The following RAI1 variants were observed in gnomAD, a reference collection of about 807,000 sequenced individuals.
RAI1 encodes the protein retinoic acid induced 1, also known as retinoic acid-induced protein 1.
A neutral mutation model predicts 123.8 loss-of-function variants in RAI1; 9 were observed. The ratio of observed to expected loss-of-function variants is 0.07; its 90% CI spans 0.04 to 0.13. The LOEUF is 0.13. Ranked by LOEUF, RAI1 falls within the 10% of genes least tolerant of loss-of-function variation. The pLI is 1.00. For synonymous variants in RAI1, 1,231 were observed against 1,127.3 expected, an observed-to-expected ratio of 1.09 and a Z score of -1.84; for missense variants, 2,256 against 2,545.8, an observed-to-expected ratio of 0.89 and a Z score of 2.45.
intron 2 of RAI1, among the ~76,000 whole-genome samples, chr17:17,742,995 T>G (rs1916694310): frequency 6.6e-6 from 1 of 152,128 alleles, no homozygotes; most frequent in East Asian, 1.9e-4. Flanking sequence ...AGTCCCTGAT[T>G]TATTGATTTT....
chr17:17,740,408 TG>T (rs1317808865), intron 2 of RAI1, among the ~76,000 whole-genome samples: 1 of 152,166 alleles, frequency 6.6e-6, no homozygotes, highest in African/African-American at 2.4e-5. Context: ...TCTGGAGAGT[TG>T]GGGGTCACCC....
chr17:17,728,945 A>G (rs1480582471), intron 2 of RAI1, among the ~76,000 whole-genome samples: 1 of 152,146 alleles, frequency 6.6e-6, no homozygotes, highest in Middle Eastern at 3.2e-3. Flanking sequence ...GAACTTCTCC[A>G]TGGCGCCCCT....
intron 4 of RAI1, among the ~76,000 whole-genome samples, chr17:17,806,597 A>G (rs1598100525): frequency 6.6e-6 from 1 of 152,212 alleles, no homozygotes; most frequent in African/African-American, 2.4e-5. Context: ...CCAGCCCTTC[A>G]TTAGTTCTCA....
chr17:17,796,576 G>A lies in RAI1; in HGVS notation c.3628G>A (p.Ala1210Thr), dbSNP rs770966880. 3.1e-6 allele frequency: 5 copies of A among 1,611,594 alleles called. No homozygotes were observed. Among genetic ancestry groups the A allele is most frequent in the Non-Finnish European group, 4.2e-6 (5 of 1,180,006 alleles). The change falls in exon 3 of 6, where the codon GCA (alanine) becomes ACA (threonine). Residue 1210 changes from alanine to threonine, a missense_variant. This residue lies in a region of RAI1 where 322 missense variants were observed against 358.0 expected (regional missense o/e 0.90). Coordinates refer to ENST00000353383, the MANE Select transcript of RAI1 (RefSeq NM_030665.4). The surrounding 1 kb of genome is among the most constrained non-coding windows in gnomAD (Gnocchi z 5.8). ...GCGGGCAAGGGTCCCCAAACCTGGT[G>A]CAGGCAGCAAGCTCTCTGACCGGCC... is the stretch of plus-strand genomic sequence containing the variant. ...SQRARVPKPG[A>T]GSKLSDRPLH...
At chr17:17,693,791 G>C (rs1044427032) in intron 1 of RAI1, among the ~76,000 whole-genome samples, 4 of 152,234 alleles carry the variant, frequency 2.6e-5, no homozygotes, top group African/African-American at 9.6e-5. Flanking sequence ...GGGGAAGGGA[G>C]AGGAAGGAAC....
At chr17:17,724,707 C>A (rs1916019427) in intron 2 of RAI1, among the ~76,000 whole-genome samples, 1 of 152,154 alleles carries the variant, frequency 6.6e-6, no homozygotes, top group Non-Finnish European at 1.5e-5. Flanking sequence ...AGAGCGCGGC[C>A]TCCCTGGGGA....
At chr17:17,699,016 A>G (rs1915127560) in intron 1 of RAI1, among the ~76,000 whole-genome samples, 1 of 152,252 alleles carries the variant, frequency 6.6e-6, no homozygotes, top group African/African-American at 2.4e-5. Context: ...TGATGGAGAC[A>G]GGGAGTCCTG....
Position 17,685,216 on chromosome 17 carries a change from A to T in RAI1, c.-149+3423A>T, listed in dbSNP as rs1203965554. Among the ~76,000 whole-genome samples the T allele has an allele frequency of 1.3e-5, 2 of 152,230 alleles. No individual in the cohort carries two copies. The highest frequency in any genetic ancestry group is 6.5e-5 in the Admixed American group (1 of 15,288). On this transcript the variant is annotated intron_variant, in intron 1 of 5. Transcript: ENST00000353383. The surrounding 1 kb of genome is among the most constrained non-coding windows in gnomAD (Gnocchi z 4.0). ...GCAACAGCAACGGTGTGCGCAGAGC[A>T]GCGTCTCTGCGGGAGAGGCACCTGG...
intron 2 of RAI1, 39 bp from the exon 3 acceptor site, chr17:17,792,894 T>TC: frequency 1.6e-5 from 5 of 312,516 alleles, no homozygotes; most frequent in Admixed American, 3.9e-5. Context: ...CTCCCCTCCC[T>TC]CCTTCCCTCC....
chr17:17,809,017 G>C lies in RAI1; in HGVS notation c.5660-373G>C. On this transcript the variant is annotated intron_variant, in intron 4 of 5. Coordinates refer to ENST00000353383, the MANE Select transcript of RAI1 (RefSeq NM_030665.4). This position sits in a 1 kb window ranked among gnomAD's most constrained non-coding sequence, Gnocchi z 4.9. ...TGCCTGCCAGTGGGGAAGAAACAAG[G>C]AGCAAGACAAGATCACACAGGCCAG... is the stretch of plus-strand genomic sequence containing the variant. The C allele has an allele frequency of 3.0e-6, 1 of 334,882 alleles. No homozygotes were observed. The highest frequency in any genetic ancestry group is 5.8e-6 in the Non-Finnish European group (1 of 173,574). The allele number at this position is 334,882 out of a possible 1,614,324, so 20.7% of individuals were successfully genotyped here.
In RAI1 at chr17:17,809,995, C is replaced by T; in HGVS notation, c.*14C>T. 1.3e-6 allele frequency: 2 copies of T among 1,547,950 alleles called. No homozygotes were observed. Among genetic ancestry groups the T allele is most frequent in the Middle Eastern group, 2.3e-4 (1 of 4,386 alleles). ...AGGCTGCCGTAGTAATCCACCCCAA[C>T]GGCCGGAGGAGCCGCCGGAGCCCGC... is the stretch of plus-strand genomic sequence containing the variant. On this transcript the variant is annotated 3_prime_UTR_variant, in exon 6 of 6. Coordinates refer to ENST00000353383, the MANE Select transcript of RAI1 (RefSeq NM_030665.4). This position sits in a 1 kb window ranked among gnomAD's most constrained non-coding sequence, Gnocchi z 4.9.
chr17:17,703,314 C>G (rs1915289970), intron 1 of RAI1, among the ~76,000 whole-genome samples: 1 of 152,210 alleles, frequency 6.6e-6, no homozygotes, highest in Non-Finnish European at 1.5e-5. Flanking sequence ...CGTAGGAAGG[C>G]TGCACTGCAA....
intron 2 of RAI1, among the ~76,000 whole-genome samples, chr17:17,755,452 T>A (rs762304184): frequency 2.0e-5 from 3 of 152,080 alleles, no homozygotes; most frequent in Non-Finnish European, 4.4e-5. Flanking sequence ...GACCTTGGGG[T>A]CACCCTCACC....
intron 2 of RAI1, among the ~76,000 whole-genome samples, chr17:17,773,970 ATAATT>A (rs1567892016): frequency 6.6e-6 from 1 of 152,218 alleles, no homozygotes; most frequent in African/African-American, 2.4e-5. Flanking sequence ...TCTATAATCT[ATAATT>A]TAAAATTACA....
chr17:17,792,730 C>T (rs1046488250), intron 2 of RAI1, among the ~76,000 whole-genome samples: 2 of 149,854 alleles, frequency 1.3e-5, no homozygotes, highest in Non-Finnish European at 3.0e-5. Flanking sequence ...TGTCAATATG[C>T]GCACAGCTGG....
chr17:17,786,195 C>T lies in RAI1; in HGVS notation c.-16-6738C>T, dbSNP rs190677969. 4.3e-3 allele frequency among the ~76,000 whole-genome samples: 653 copies of T among 152,234 alleles called. 3 individuals are homozygous for T. The highest frequency in any genetic ancestry group is 6.0e-3 in the Non-Finnish European group (405 of 68,014). ...ACCTGCCCACTTCCCTGCCAGGCCTCGGGAAGATGTTCTTTGTCAAATGAA... is the reference window on the plus strand; with the variant it reads ...ACCTGCCCACTTCCCTGCCAGGCCTTGGGAAGATGTTCTTTGTCAAATGAA... On this transcript the variant is annotated intron_variant, in intron 2 of 5. Transcript: ENST00000353383.
At chr17:17,755,750 G>C (rs971124400) in intron 2 of RAI1, among the ~76,000 whole-genome samples, 5 of 152,126 alleles carry the variant, frequency 3.3e-5, no homozygotes, top group African/African-American at 1.2e-4. Flanking sequence ...TCGCCCCAGG[G>C]CTCTCTGACA....
intron 4 of RAI1, among the ~76,000 whole-genome samples, chr17:17,804,573 C>G (rs77321515): frequency 0.03 from 4,541 of 150,550 alleles, 287 homozygotes; most frequent in East Asian, 0.27. Context: ...GCTTATGGTA[C>G]AATATTAGTC....
rs1341606251 is a variant in RAI1, at chr17:17,685,491, AAC to A, written c.-149+3702_-149+3703del. ...TGAGAGGAGCATTCCTGGCAGAGGG[AAC>A]ACAGTGAGCAGAGCGAGTCTTTGGA... is the stretch of plus-strand genomic sequence containing the variant. On this transcript the variant is annotated intron_variant, in intron 1 of 5. Transcript: ENST00000353383. The surrounding 1 kb of genome is among the most constrained non-coding windows in gnomAD (Gnocchi z 4.0). Among the ~76,000 whole-genome samples the A allele has an allele frequency of 6.6e-6, 1 of 152,178 alleles. No homozygotes were observed. The highest frequency in any genetic ancestry group is 2.4e-5 in the African/African-American group (1 of 41,434).
Sources: allele counts gnomAD v4.1 joint callset (sites outside exome capture counted in the v4.1 genomes callset), GRCh38; gene constraint gnomAD v4.1.1; regional missense constraint gnomAD v4.1.1; non-coding constraint Gnocchi (gnomAD v3.1); transcripts MANE v1.5; gene names NCBI Gene and HGNC (gene_info 2026-07-23, HGNC 2026-07-21).